Variants in NEK11 observed in about 807,000 individuals in gnomAD.
NEK11 encodes the protein NIMA related kinase 11.
Under a neutral mutation model 80.7 loss-of-function variants are expected in NEK11, and 72 were observed. The observed-to-expected ratio is 0.89, with a 90% confidence interval of 0.74 to 1.08. The LOEUF (loss-of-function observed/expected upper bound fraction) is 1.08. Among genes scored for constraint, NEK11 ranks in the 50% least tolerant of loss-of-function variants. The pLI, the probability that NEK11 is intolerant of heterozygous loss-of-function variation, is 0.00. For missense variants in NEK11, 764 were observed against 763.6 expected, an observed-to-expected ratio of 1.00 and a Z score of -0.01; for synonymous variants, 251 against 260.7, an observed-to-expected ratio of 0.96 and a Z score of 0.36.
chr3:131,212,598 G>T (rs2094672722), intron 14 of NEK11, among the ~76,000 whole-genome samples: 1 of 152,136 alleles, frequency 6.6e-6, no homozygotes, highest in African/African-American at 2.4e-5. Context: ...GTTTCTATTA[G>T]GCCATCTTTG....
chr3:131,111,969 TA>T (rs1257933220), intron 5 of NEK11, among the ~76,000 whole-genome samples: 1 of 152,144 alleles, frequency 6.6e-6, no homozygotes, highest in African/African-American at 2.4e-5. Context: ...TACCTGGAAT[TA>T]TTTTATATTG....
chr3:131,135,233 A>T (rs1260963474), intron 7 of NEK11, among the ~76,000 whole-genome samples: 3 of 152,158 alleles, frequency 2.0e-5, no homozygotes, highest in African/African-American at 7.2e-5. Flanking sequence ...TTCCCCATGA[A>T]TCCCGTCCTT....
chr3:131,134,947 C>A (rs1486002987), intron 7 of NEK11, among the ~76,000 whole-genome samples: 1 of 152,112 alleles, frequency 6.6e-6, no homozygotes. Flanking sequence ...GTTGAAAGAA[C>A]AATCTAGCTG....
chr3:131,258,504 G>C (rs1480553607), intron 16 of NEK11, among the ~76,000 whole-genome samples: 1 of 152,176 alleles, frequency 6.6e-6, no homozygotes, highest in African/African-American at 2.4e-5. Flanking sequence ...ACATTGGCTA[G>C]TGTCTCCACA....
At chr3:131,292,098 A>G (rs2096549784) in intron 17 of NEK11, among the ~76,000 whole-genome samples, 1 of 152,188 alleles carries the variant, frequency 6.6e-6, no homozygotes, top group Admixed American at 6.5e-5. Context: ...ATTCTTGTGA[A>G]GGGTGTAAGG....
chr3:131,197,672 G>A (rs2094073433), intron 14 of NEK11, among the ~76,000 whole-genome samples: 1 of 152,144 alleles, frequency 6.6e-6, no homozygotes, highest in Admixed American at 6.5e-5. Flanking sequence ...CTATTGGTTA[G>A]CTGCAGGCAA....
chr3:131,074,051 T>G (rs987830744), intron 3 of NEK11, among the ~76,000 whole-genome samples: 4 of 152,158 alleles, frequency 2.6e-5, no homozygotes, highest in Non-Finnish European at 5.9e-5. Context: ...TTGACAGAAT[T>G]AAGCTCCAAC....
chr3:131,111,709 T>C (rs903353654), intron 5 of NEK11, among the ~76,000 whole-genome samples: 5 of 152,104 alleles, frequency 3.3e-5, no homozygotes, highest in African/African-American at 1.2e-4. Flanking sequence ...GTTTTTGCCA[T>C]TATTTTTAAT....
chr3:131,124,351 A>G (rs1269545820), intron 5 of NEK11, among the ~76,000 whole-genome samples: 1 of 152,218 alleles, frequency 6.6e-6, no homozygotes, highest in Non-Finnish European at 1.5e-5. Flanking sequence ...GCAGAGGCAC[A>G]CTTGAATATT....
At chr3:131,084,385 G>C (rs2075708815) in intron 4 of NEK11, among the ~76,000 whole-genome samples, 1 of 152,120 alleles carries the variant, frequency 6.6e-6, no homozygotes, top group Non-Finnish European at 1.5e-5. Context: ...AAACACTAAT[G>C]GTAATGATAA....
chr3:131,184,017 G>A (rs1046865762), intron 14 of NEK11, among the ~76,000 whole-genome samples: 1 of 152,106 alleles, frequency 6.6e-6, no homozygotes, highest in African/African-American at 2.4e-5. Flanking sequence ...CGATTCTTTG[G>A]TGCCATCATG....
chr3:131,223,836 C>G (rs2095106634), intron 14 of NEK11, among the ~76,000 whole-genome samples: 1 of 151,988 alleles, frequency 6.6e-6, no homozygotes, highest in Admixed American at 6.6e-5. Context: ...GTGGAGTCCA[C>G]AGAAAGGAAA....
intron 3 of NEK11, among the ~76,000 whole-genome samples, chr3:131,043,624 A>T (rs1025718303): frequency 6.6e-6 from 1 of 152,264 alleles, no homozygotes. Flanking sequence ...TGAACAGACC[A>T]AATCTACATT....
intron 3 of NEK11, among the ~76,000 whole-genome samples, chr3:131,062,095 G>T (rs2070984114): frequency 6.6e-6 from 1 of 152,182 alleles, no homozygotes; most frequent in South Asian, 2.1e-4. Context: ...CCTCCTCTAG[G>T]AGCTTACATT....
At chr3:131,071,713 C>T (rs976271021) in intron 3 of NEK11, among the ~76,000 whole-genome samples, 2 of 151,602 alleles carry the variant, frequency 1.3e-5, no homozygotes, top group Non-Finnish European at 2.9e-5. Context: ...TCATTTGTCC[C>T]CCAGTTTTTT....
At chr3:131,051,151 A>C (rs111440629) in intron 3 of NEK11, among the ~76,000 whole-genome samples, 37 of 152,380 alleles carry the variant, frequency 2.4e-4, no homozygotes, top group African/African-American at 7.9e-4. Flanking sequence ...AAGTTTTAAA[A>C]AATATTTTGA....
At chr3:131,148,744 GATATAT>G (rs5852616) in intron 7 of NEK11, among the ~76,000 whole-genome samples, 1 of 149,048 alleles carries the variant, frequency 6.7e-6, no homozygotes, top group African/African-American at 2.5e-5. Context: ...GTTTGTTACA[GATATAT>G]ATATATATAT....
chr3:131,061,360 A>G (rs569110417), intron 3 of NEK11, among the ~76,000 whole-genome samples: 1 of 152,290 alleles, frequency 6.6e-6, no homozygotes, highest in East Asian at 1.9e-4. Flanking sequence ...CACAGAAGGA[A>G]GTCTTGCATT....
chr3:131,134,044 A>T (rs2085062357), intron 7 of NEK11, 88 bp downstream of exon 7: 1 of 1,138,328 alleles, frequency 8.8e-7, no homozygotes, highest in African/African-American at 1.6e-5. Context: ...TACTGCATAC[A>T]TTCACTTTAT....
Sources: allele counts gnomAD v4.1 joint callset (sites outside exome capture counted in the v4.1 genomes callset), GRCh38; gene constraint gnomAD v4.1.1; transcripts MANE v1.5; gene names NCBI Gene and HGNC (gene_info 2026-07-23, HGNC 2026-07-21).